The following MAPK10 variants were observed in gnomAD, a reference collection of about 807,000 sequenced individuals.
MAPK10 encodes the protein JNK3 alpha protein kinase.
A neutral mutation model predicts 59.3 loss-of-function variants in MAPK10; 25 were observed. That is an observed-to-expected ratio of 0.42 (90% CI 0.31 to 0.59). The LOEUF is 0.59. MAPK10 is among the 20% of genes least tolerant of loss of function. MAPK10 has a pLI of 0.15. For missense variants in MAPK10, 351 were observed against 568.9 expected (o/e 0.62, Z 3.90); for synonymous variants, 190 against 200.5 (o/e 0.95, Z 0.44).
chr4:86,551,719 C>T (rs1257576328), intron 1 of MAPK10, among the ~76,000 whole-genome samples: 6 of 152,126 alleles, frequency 3.9e-5, no homozygotes, highest in South Asian at 2.1e-4. Flanking sequence ...ATTCTCCTGC[C>T]GCAGCCTCTC....
At chr4:86,493,107 C>T (rs138708699) in intron 1 of MAPK10, among the ~76,000 whole-genome samples, 243 of 152,316 alleles carry the variant, frequency 1.6e-3, no homozygotes, top group African/African-American at 5.8e-3. Flanking sequence ...ATAAGGCAAA[C>T]GCTGAGTTGT....
chr4:86,238,259 T>C (rs1448923967), intron 2 of MAPK10, among the ~76,000 whole-genome samples: 3 of 152,186 alleles, frequency 2.0e-5, no homozygotes, highest in Non-Finnish European at 2.9e-5. Flanking sequence ...CCTTGTAGTA[T>C]AGTTTGAAAT....
chr4:86,505,492 A>G lies in MAPK10; in HGVS notation c.-263+88418T>C, dbSNP rs28437177. On this transcript the variant is annotated intron_variant, in intron 1 of 4. Coordinates refer to the MAPK10 transcript ENST00000502302. ...GCATCTGTAATCCCAGCTTATCAGG[A>G]GGCTGAGGTGGTGTTTGAGCCTAGT... Among the ~76,000 whole-genome samples the G allele has an allele frequency of 4.7e-3, 708 of 152,124 alleles. 7 individuals are homozygous for G. Among genetic ancestry groups the G allele is most frequent in the African/African-American group, 0.016 (683 of 41,510 alleles).
chr4:86,547,808 A>G (rs1274785626), intron 1 of MAPK10, among the ~76,000 whole-genome samples: 1 of 152,186 alleles, frequency 6.6e-6, no homozygotes, highest in Non-Finnish European at 1.5e-5. Context: ...AAACACACCA[A>G]TCAGCACCCT....
rs552279325 is a variant in MAPK10 at position 86,193,899 on chromosome 4, AACCTGCAGGTTGCGAAG to A, written c.66+420_66+436del. On this transcript the variant is annotated intron_variant, in intron 3 of 13. Transcript: ENST00000641462. Reference sequence around the variant, plus strand: ...CCCTTGCGGTGTAGACACCTGAGGGAACCTGCAGGTTGCGAAGACCATCGAAAAAGTGTAGCATCTGC... The same window carrying A: ...CCCTTGCGGTGTAGACACCTGAGGGAACCATCGAAAAAGTGTAGCATCTGC... 1.2e-4 allele frequency: 20 copies of A among 170,786 alleles called. No homozygotes were observed. The South Asian group carries it at 2.8e-3, about 24-fold the overall frequency. The allele number at this position is 170,786 out of a possible 1,614,324, so 10.6% of individuals were successfully genotyped here. A position where few individuals can be genotyped will look rare whatever the true frequency, so the allele number is the denominator to read the frequency against.
At chr4:86,489,893 C>T (rs1007897580) in intron 1 of MAPK10, among the ~76,000 whole-genome samples, 1 of 152,138 alleles carries the variant, frequency 6.6e-6, no homozygotes, top group Non-Finnish European at 1.5e-5. Flanking sequence ...AACACTTAAG[C>T]TCTTCAAAGG....
intron 1 of MAPK10, among the ~76,000 whole-genome samples, chr4:86,380,859 TAA>T (rs35581530): frequency 2.2e-5 from 3 of 137,138 alleles, no homozygotes; most frequent in African/African-American, 2.7e-5. Context: ...TGGAAAGCAT[TAA>T]AAAAAAAAAA....
At chr4:86,086,291 G>A (rs1348233784) in intron 9 of MAPK10, among the ~76,000 whole-genome samples, 1 of 151,870 alleles carries the variant, frequency 6.6e-6, no homozygotes, top group African/African-American at 2.4e-5. Flanking sequence ...GATGGTTAAC[G>A]GCTAAAATAA....
At position 86,424,557 on chromosome 4, in the gene MAPK10, T is replaced by G. The variant is rs969217349; in HGVS notation, c.-122+28473A>C. ...TCAACTTAGGTTCTCACACTCTGCC[T>G]AGTCTGTTTGTGAAGGAGTCATAGT... is the stretch of plus-strand genomic sequence containing the variant. On this transcript the variant is annotated intron_variant, in intron 1 of 13. Transcript: ENST00000361569. Among the ~76,000 whole-genome samples, 45 of 152,248 alleles carry G rather than the reference T, an allele frequency of 3.0e-4. 1 individual carries two copies. The highest frequency in any genetic ancestry group is 1.1e-3 in the African/African-American group (45 of 41,554).
chr4:86,397,389 T>C (rs1431433745), intron 1 of MAPK10, among the ~76,000 whole-genome samples: 1 of 152,188 alleles, frequency 6.6e-6, no homozygotes, highest in African/African-American at 2.4e-5. Flanking sequence ...AGTCTGACTA[T>C]TGCAAAAGAT....
chr4:86,017,320 C>T lies in MAPK10; in HGVS notation c.1303G>A (p.Asp435Asn). The change falls in exon 14 of 14, where the codon GAC (aspartate) becomes AAC (asparagine). Residue 435 changes from aspartate (D) to asparagine (N), a missense_variant. This residue lies in a region of MAPK10 where 155 missense variants were observed against 204.2 expected (regional missense o/e 0.76). Coordinates refer to ENST00000641462, the MANE Select transcript of MAPK10 (RefSeq NM_138982.4). This position sits in a 1 kb window ranked among gnomAD's most constrained non-coding sequence, Gnocchi z 4.4. ...TGGTCGGTGGACATGGAGGAGATGT[C>T]ATTGACAGACGAGGATGGAGGGAGA... is the stretch of plus-strand genomic sequence containing the variant. ...ESLPPSSSVN[D>N]ISSMSTDQTL... The T allele has an allele frequency of 1.2e-6, 2 of 1,614,162 alleles. No homozygotes were observed. Among genetic ancestry groups the T allele is most frequent in the Non-Finnish European group, 1.7e-6 (2 of 1,180,028 alleles).
chr4:86,029,049 T>G (rs374547375), intron 13 of MAPK10, 148 bp downstream of exon 13: 2 of 741,502 alleles, frequency 2.7e-6, no homozygotes. Flanking sequence ...TCAAAAGAAA[T>G]AAAACTAAAA....
chr4:86,528,821 A>G (rs1000008320), intron 1 of MAPK10, among the ~76,000 whole-genome samples: 3 of 152,240 alleles, frequency 2.0e-5, no homozygotes, highest in African/African-American at 7.2e-5. Flanking sequence ...TTTGGTTATT[A>G]GAACACTCTC....
chr4:86,343,527 C>A (rs2148944460), intron 2 of MAPK10, among the ~76,000 whole-genome samples: 1 of 152,248 alleles, frequency 6.6e-6, no homozygotes, highest in African/African-American at 2.4e-5. Flanking sequence ...ATGCTAGATG[C>A]ATAAAAGAGA....
At position 86,570,866 on chromosome 4, in the gene MAPK10, G is replaced by A. The variant is rs147665752; in HGVS notation, c.-263+23044C>T. On this transcript the variant is annotated intron_variant, in intron 1 of 4. Coordinates refer to the MAPK10 transcript ENST00000502302. ...CCAAGAGGTTGGAGGAGGGTCTTTAGTCGCCCATGGCCAGTTTGAGTCTTG... is the reference window on the plus strand; with the variant it reads ...CCAAGAGGTTGGAGGAGGGTCTTTAATCGCCCATGGCCAGTTTGAGTCTTG... Among the ~76,000 whole-genome samples, 174 of 152,258 alleles carry A rather than the reference G, an allele frequency of 1.1e-3. 2 individuals are homozygous for A. The highest frequency in any genetic ancestry group is 4.0e-3 in the African/African-American group (166 of 41,554).
At chr4:86,582,103 C>T (rs1379191093) in intron 1 of MAPK10, among the ~76,000 whole-genome samples, 1 of 150,934 alleles carries the variant, frequency 6.6e-6, no homozygotes, top group Non-Finnish European at 1.5e-5. Flanking sequence ...TCTTTGTCTT[C>T]AAAAGTACAA....
At chr4:86,433,585 A>C (rs1418406714) in intron 1 of MAPK10, among the ~76,000 whole-genome samples, 1 of 60,066 alleles carries the variant, frequency 1.7e-5, no homozygotes, top group African/African-American at 6.5e-5. Flanking sequence ...TTTTTGTCTT[A>C]TAGAGATGGA....
chr4:86,224,766 G>A (rs906170950), intron 2 of MAPK10, among the ~76,000 whole-genome samples: 2 of 152,082 alleles, frequency 1.3e-5, no homozygotes, highest in Non-Finnish European at 2.9e-5. Flanking sequence ...CTGAGTTTGT[G>A]TTTTCCCTCA....
chr4:86,293,194 C>A (rs2095273707), intron 2 of MAPK10, among the ~76,000 whole-genome samples: 1 of 152,030 alleles, frequency 6.6e-6, no homozygotes, highest in Non-Finnish European at 1.5e-5. Flanking sequence ...CCAAAATGTC[C>A]CCTAGAATTT....
Sources: gnomAD v4.1 joint callset for allele counts (sites outside exome capture counted in the v4.1 genomes callset) on GRCh38, gnomAD v4.1.1 for gene constraint, gnomAD v4.1.1 regional missense constraint, Gnocchi (gnomAD v3.1) non-coding constraint, MANE v1.5 for transcripts, NCBI Gene and HGNC (gene_info 2026-07-23, HGNC 2026-07-21) for gene names.